RIPOR2: variants seen among roughly 807,000 people sequenced by gnomAD.
RIPOR2 encodes the protein rho family-interacting cell polarization regulator 2.
RIPOR2 carries 39 observed loss-of-function variants against 114.5 expected under a neutral mutation model. The ratio of observed to expected loss-of-function variants is 0.34; its 90% CI spans 0.26 to 0.44. The LOEUF (loss-of-function observed/expected upper bound fraction) is 0.44, where lower values mean the gene tolerates loss of function less well. Among genes scored for constraint, RIPOR2 ranks in the 20% least tolerant of loss-of-function variants. The pLI is 1.00. For synonymous variants in RIPOR2, 445 were observed against 484.4 expected, an observed-to-expected ratio of 0.92 and a Z score of 1.07; for missense variants, 1,007 against 1,255.1, an observed-to-expected ratio of 0.80 and a Z score of 2.99.
intron 1 of RIPOR2, among the ~76,000 whole-genome samples, chr6:24,951,974 C>T (rs961999652): frequency 6.6e-6 from 1 of 152,142 alleles, no homozygotes; most frequent in Non-Finnish European, 1.5e-5. Flanking sequence ...AAATGTGGGG[C>T]TTCCTGTATT....
chr6:24,900,984 C>T (rs1388103096), intron 1 of RIPOR2, among the ~76,000 whole-genome samples: 1 of 152,144 alleles, frequency 6.6e-6, no homozygotes, highest in Non-Finnish European at 1.5e-5. Context: ...CTGCCTTAGA[C>T]TTCGTATTTA....
At chr6:24,954,208 G>C (rs977659678) in intron 1 of RIPOR2, among the ~76,000 whole-genome samples, 64 of 152,258 alleles carry the variant, frequency 4.2e-4, no homozygotes, top group African/African-American at 1.5e-3. Context: ...GAGGCAGGCT[G>C]GTTTGCATTT....
At chr6:24,948,515 C>CTATTTCT (rs1213430630) in intron 1 of RIPOR2, among the ~76,000 whole-genome samples, 1 of 143,678 alleles carries the variant, frequency 7.0e-6, no homozygotes, top group Non-Finnish European at 1.5e-5. Context: ...AATCACTCTG[C>CTATTTCT]TATTTCTTTC....
At chr6:25,040,608 T>C (rs1017226158) in intron 1 of RIPOR2, among the ~76,000 whole-genome samples, 40 of 145,424 alleles carry the variant, frequency 2.8e-4, no homozygotes, top group African/African-American at 8.9e-4. Flanking sequence ...TTTTTTTTTT[T>C]CGAGACAGAG....
At chr6:25,001,355 T>A (rs1256880771) in intron 1 of RIPOR2, among the ~76,000 whole-genome samples, 1 of 152,150 alleles carries the variant, frequency 6.6e-6, no homozygotes, top group Non-Finnish European at 1.5e-5. Context: ...TTGGGTGCAG[T>A]GGCTCACGCG....
intron 4 of RIPOR2, among the ~76,000 whole-genome samples, chr6:24,871,649 G>C (rs9461077): frequency 1.4e-3 from 215 of 152,320 alleles, no homozygotes; most frequent in African/African-American, 4.8e-3. Flanking sequence ...CACCACGCCC[G>C]GCCTTAAGAA....
chr6:24,927,155 C>CCATCACCAT, intron 1 of RIPOR2, among the ~76,000 whole-genome samples: 1 of 130,726 alleles, frequency 7.6e-6, no homozygotes, highest in Non-Finnish European at 1.6e-5. Context: ...ACCACCACCA[C>CCATCACCAT]CACCACAACT....
intron 1 of RIPOR2, among the ~76,000 whole-genome samples, chr6:24,934,081 C>T (rs891996495): frequency 6.6e-6 from 1 of 152,128 alleles, no homozygotes; most frequent in African/African-American, 2.4e-5. Context: ...GAGCAAAATT[C>T]CTATAGGCAA....
Position 24,977,103 on chromosome 6 carries a change from G to A in RIPOR2, c.76+64748C>T, listed in dbSNP as rs990426293. 7.2e-6 allele frequency: 7 copies of A among 968,100 alleles called. No individual in the cohort carries two copies. In the African/African-American group the frequency reaches 9.8e-5, roughly 14 times the overall value. 60.0% of individuals were successfully genotyped at this position (968,100 alleles called of 1,614,324 possible). A position where few individuals can be genotyped will look rare whatever the true frequency, so the allele number is the denominator to read the frequency against. On this transcript the variant is annotated intron_variant, in intron 1 of 13. Coordinates refer to the RIPOR2 transcript ENST00000510784. ...TGTGCTCTTGCTGCAGTTCCCTTTG[G>A]GTTCCATGTTTTCCTTGTTCCCTCC...
At chr6:24,895,862 G>T (rs947325742) in intron 1 of RIPOR2, among the ~76,000 whole-genome samples, 36 of 152,224 alleles carry the variant, frequency 2.4e-4, no homozygotes, top group African/African-American at 8.7e-4. Context: ...GTGGTGGCGG[G>T]CACCTGTAGT....
At position 25,024,234 on chromosome 6, in the gene RIPOR2, T is replaced by C. The variant is rs956165073; in HGVS notation, c.76+17617A>G. On this transcript the variant is annotated intron_variant, in intron 1 of 13. Coordinates refer to the RIPOR2 transcript ENST00000510784. ...GGTGCCCAGGAGGTAGCGGTCCTCATACAGTGTGCTGGACTGGATGGCCGG... is the reference window on the plus strand; with the variant it reads ...GGTGCCCAGGAGGTAGCGGTCCTCACACAGTGTGCTGGACTGGATGGCCGG... The C allele has an allele frequency of 7.9e-6, 12 of 1,525,526 alleles. No homozygotes were observed. The African/African-American group carries it at 1.1e-4, about 14-fold the overall frequency. The allele number at this position is 1,525,526 out of a possible 1,614,324, so 94.5% of individuals were successfully genotyped here.
chr6:24,886,979 T>A (rs534816719), intron 1 of RIPOR2, among the ~76,000 whole-genome samples: 2 of 152,368 alleles, frequency 1.3e-5, no homozygotes, highest in South Asian at 4.1e-4. Flanking sequence ...AGAGCTTTTC[T>A]AATCCTTTCA....
At chr6:25,023,134 C>G in intron 1 of RIPOR2, 1 of 523,824 alleles carries the variant, frequency 1.9e-6, no homozygotes, top group East Asian at 4.5e-5. Context: ...GGTAGCCCCA[C>G]TACGCTGCCA....
chr6:25,017,679 G>A (rs1426739373), intron 1 of RIPOR2, among the ~76,000 whole-genome samples: 2 of 152,164 alleles, frequency 1.3e-5, no homozygotes, highest in African/African-American at 4.8e-5. Flanking sequence ...AACGCCCAGA[G>A]GGCCAGGTTG....
intron 14 of RIPOR2, 107 bp downstream of exon 14, chr6:24,838,984 G>GT: frequency 1.1e-6 from 1 of 948,192 alleles, no homozygotes; most frequent in Middle Eastern, 2.5e-4. Flanking sequence ...CATGTGGAGA[G>GT]TTTTATCTTC....
intron 18 of RIPOR2, 25 bp downstream of exon 18, chr6:24,828,112 A>G: frequency 6.5e-7 from 1 of 1,527,446 alleles, no homozygotes; most frequent in Non-Finnish European, 8.8e-7. Flanking sequence ...CCACCACTAC[A>G]ATGTGACAAA....
chr6:24,969,547 G>T (rs147844851), intron 1 of RIPOR2, among the ~76,000 whole-genome samples: 1 of 152,292 alleles, frequency 6.6e-6, no homozygotes, highest in African/African-American at 2.4e-5. Context: ...TTGTTGGAGT[G>T]GGGTGTGAGG....
rs760659337 is a variant in RIPOR2 at position 24,850,615 on chromosome 6, A to G, written c.867T>C (p.Val289=). 5 of 1,613,900 alleles carry G rather than the reference A, an allele frequency of 3.1e-6. No individual in the cohort carries two copies. In the African/African-American group the frequency reaches 4.0e-5, roughly 13 times the overall value. ...ACTGTACCTTGATGGAGATGAACCC[A>G]ACTATCAGGGGCAGAAAAACTGTTT... ...GEETVFLPLI[V]GFISIKVTEL... Residue 289 remains valine (V), a synonymous_variant, in exon 10 of 22, where the codon GTT becomes GTC. Transcript: ENST00000643898.
At chr6:25,031,420 G>A (rs137868184) in intron 1 of RIPOR2, 3 of 151,906 alleles carry the variant, frequency 2.0e-5, no homozygotes, top group Admixed American at 2.0e-4. Flanking sequence ...TATCTTCATT[G>A]TTGTGGTGGT....
Sources: allele counts gnomAD v4.1 joint callset (sites outside exome capture counted in the v4.1 genomes callset), GRCh38; gene constraint gnomAD v4.1.1; transcripts MANE v1.5; gene names NCBI Gene and HGNC (gene_info 2026-07-23, HGNC 2026-07-21).